The following BRWD3 variants were observed in gnomAD, a reference collection of about 807,000 sequenced individuals.
The protein encoded by BRWD3 is bromodomain and WD repeat domain containing 3.
Under a neutral mutation model 149.7 loss-of-function variants are expected in BRWD3, and 10 were observed. The observed-to-expected ratio is 0.07, with a 90% CI of 0.04 to 0.11. The LOEUF is 0.11. BRWD3 is among the 10% of genes least tolerant of loss of function. The pLI is 1.00. For synonymous variants in BRWD3, 504 were observed against 456.7 expected (o/e 1.10, Z -1.32); for missense variants, 940 against 1,373.2 (o/e 0.68, Z 4.99).
chrX:80,769,205 T>C (rs2073904062), intron 6 of BRWD3, among the ~76,000 whole-genome samples: 1 of 111,198 alleles, frequency 9.0e-6, no homozygotes, highest in African/African-American at 3.3e-5. Flanking sequence ...TTAACAAGGA[T>C]ATCCAGGAAC....
At chrX:80,692,264 T>C in intron 28 of BRWD3, 114 bp from the exon 29 acceptor site, 1 of 652,888 alleles carries the variant, frequency 1.5e-6, no homozygotes, top group Admixed American at 2.6e-5. Flanking sequence ...GGCAATACAG[T>C]TGTCTTGAAA....
At chrX:80,691,797 C>G (rs924649986) in intron 30 of BRWD3, 26 bp downstream of exon 30, 2 of 1,210,089 alleles carry the variant, frequency 1.7e-6, no homozygotes, top group Non-Finnish European at 2.2e-6. Context: ...TTGCATGCTC[C>G]TAAAATTTTT....
Position 80,691,108 on chromosome X carries a change from C to G in BRWD3, c.3547G>C (p.Ala1183Pro), listed in dbSNP as rs1160783248. ...SAYPLYCTVVAYPTDLNTIRR... is the reference protein window; with the variant it reads ...SAYPLYCTVVPYPTDLNTIRR... The stretch of plus-strand genomic sequence containing the variant: ...ATGGTATTGAGGTCAGTTGGATAAG[C>G]AACTACAGTACAATACAAGGGGTAG... The change falls in exon 31 of 41, where the codon GCT becomes CCT. Residue 1183 changes from alanine (A) to proline (P), a missense_variant. Transcript: ENST00000373275. 1 of 1,206,002 alleles carries G rather than the reference C, an allele frequency of 8.3e-7. No individual in the cohort carries two copies. Among genetic ancestry groups the G allele is most frequent in the Non-Finnish European group, 1.1e-6 (1 of 892,684 alleles).
chrX:80,709,315 T>A (rs1324100851), intron 21 of BRWD3, 113 bp downstream of exon 21: 1 of 567,135 alleles, frequency 1.8e-6, no homozygotes, highest in South Asian at 4.1e-5. Context: ...AAATCTCTTA[T>A]AAGAATATAA....
At chrX:80,726,335 CAT>C (rs1233745886) in intron 14 of BRWD3, among the ~76,000 whole-genome samples, 2 of 94,581 alleles carry the variant, frequency 2.1e-5, no homozygotes, top group African/African-American at 4.0e-5. Flanking sequence ...AACATGTTTA[CAT>C]GTTATGTCTG....
At chrX:80,698,874 TA>T (rs2072740929) in intron 25 of BRWD3, among the ~76,000 whole-genome samples, 1 of 110,947 alleles carries the variant, frequency 9.0e-6, no homozygotes, top group Admixed American at 9.6e-5. Flanking sequence ...ATGACATTAA[TA>T]AAAAGTTTTA....
intron 27 of BRWD3, among the ~76,000 whole-genome samples, chrX:80,695,106 T>G (rs186593120): frequency 1.1e-4 from 12 of 111,474 alleles, no homozygotes; most frequent in African/African-American, 3.9e-4. Context: ...TCACAAGATC[T>G]GATGGTTTAA....
intron 4 of BRWD3, among the ~76,000 whole-genome samples, chrX:80,795,354 C>T (rs202196546): frequency 1.9e-5 from 2 of 107,462 alleles, no homozygotes; most frequent in East Asian, 3.0e-4. Context: ...TATATATATA[C>T]ACACACACAC....
chrX:80,712,667 C>T (rs2072996196), intron 20 of BRWD3, among the ~76,000 whole-genome samples: 2 of 108,562 alleles, frequency 1.8e-5, no homozygotes, highest in African/African-American at 3.4e-5. Context: ...AAGTGAGGAG[C>T]GTCTCTGCCC....
At chrX:80,710,549 T>C in intron 20 of BRWD3, 1 of 429,070 alleles carries the variant, frequency 2.3e-6, no homozygotes, top group South Asian at 2.5e-5. Flanking sequence ...ATGTTTCCAT[T>C]GGAATTGCTG....
intron 6 of BRWD3, among the ~76,000 whole-genome samples, chrX:80,785,098 A>G (rs771467115): frequency 8.9e-6 from 1 of 112,557 alleles, no homozygotes; most frequent in South Asian, 3.6e-4. Flanking sequence ...TCTAAAATGA[A>G]TATTAATCTT....
intron 40 of BRWD3, among the ~76,000 whole-genome samples, chrX:80,679,902 G>A (rs2072421044): frequency 9.0e-6 from 1 of 110,918 alleles, no homozygotes. Context: ...GTGGAAGGAA[G>A]GGTAAAATGA....
chrX:80,800,851 T>C (rs746310463), intron 4 of BRWD3, among the ~76,000 whole-genome samples: 39 of 111,458 alleles, frequency 3.5e-4, no homozygotes, highest in Non-Finnish European at 5.8e-4. Flanking sequence ...CTAATCATTA[T>C]GCATAGCATT....
chrX:80,714,860 C>T (rs2073053043), intron 20 of BRWD3, among the ~76,000 whole-genome samples: 1 of 112,240 alleles, frequency 8.9e-6, no homozygotes, highest in South Asian at 3.7e-4. Context: ...CTATGGATAA[C>T]TTACCTGTAG....
intron 6 of BRWD3, among the ~76,000 whole-genome samples, chrX:80,766,716 T>C (rs1181913174): frequency 2.7e-5 from 3 of 112,026 alleles, no homozygotes; most frequent in African/African-American, 3.2e-5. Context: ...GGGTGATTTC[T>C]GCATTTCCAA....
intron 6 of BRWD3, among the ~76,000 whole-genome samples, chrX:80,757,118 C>T (rs981933519): frequency 2.7e-5 from 3 of 111,766 alleles, no homozygotes; most frequent in Non-Finnish European, 3.8e-5. Context: ...ATCTATACTT[C>T]AAGGTTATGT....
chrX:80,698,267 T>A (rs1278192235), intron 25 of BRWD3, among the ~76,000 whole-genome samples: 1 of 111,940 alleles, frequency 8.9e-6, no homozygotes, highest in East Asian at 2.8e-4. Context: ...GCAAAACTGA[T>A]CTTCATAGGT....
intron 27 of BRWD3, among the ~76,000 whole-genome samples, chrX:80,694,830 C>T (rs2072660593): frequency 9.0e-6 from 1 of 111,299 alleles, no homozygotes; most frequent in Admixed American, 9.6e-5. Flanking sequence ...GCAGAAGTGA[C>T]TTGCCTTGTC....
At chrX:80,781,234 G>C (rs1357164115) in intron 6 of BRWD3, among the ~76,000 whole-genome samples, 1 of 111,484 alleles carries the variant, frequency 9.0e-6, no homozygotes, top group Non-Finnish European at 1.9e-5. Flanking sequence ...GGACCCAAAG[G>C]GGGTTGCCGT....
Sources: gnomAD v4.1 joint callset for allele counts (sites outside exome capture counted in the v4.1 genomes callset) on GRCh38, gnomAD v4.1.1 for gene constraint, MANE v1.5 for transcripts, NCBI Gene and HGNC (gene_info 2026-07-23, HGNC 2026-07-21) for gene names.